Variants in SLC35B4 observed in about 807,000 individuals in gnomAD.
SLC35B4 encodes the protein nucleotide sugar transporter SLC35B4.
In SLC35B4, 28 loss-of-function variants were observed where a neutral mutation model predicts 39.5. The ratio of observed to expected loss-of-function variants is 0.71; its 90% CI spans 0.53 to 0.97. The LOEUF (loss-of-function observed/expected upper bound fraction) is 0.97. Among genes scored for constraint, SLC35B4 ranks in the 50% least tolerant of loss-of-function variants. The pLI is 0.00. For missense variants in SLC35B4, 334 were observed against 414.3 expected, an observed-to-expected ratio of 0.81 and a Z score of 1.68; for synonymous variants, 145 against 150.4, an observed-to-expected ratio of 0.96 and a Z score of 0.26.
chr7:134,300,089 C>A, intron 7 of SLC35B4, 63 bp downstream of exon 7: 1 of 1,150,774 alleles, frequency 8.7e-7, no homozygotes, highest in South Asian at 1.4e-5. Flanking sequence ...ATTAATAGTT[C>A]ACTTGAAGTA....
rs1406300951 is a variant in SLC35B4 at position 134,289,699 on chromosome 7, T to G, written c.*5134A>C. On this transcript the variant is annotated 3_prime_UTR_variant, in exon 10 of 10. Coordinates refer to ENST00000378509, the MANE Select transcript of SLC35B4 (RefSeq NM_032826.5). ...CACAGAAATGACTGGCAATCGCAAG[T>G]GATACACAAAGGCATTTTTATTGCG... is the stretch of plus-strand genomic sequence containing the variant. The G allele has an allele frequency of 6.6e-6, 1 of 152,434 alleles. No homozygotes were observed. Among genetic ancestry groups the G allele is most frequent in the African/African-American group, 2.4e-5 (1 of 41,452 alleles). The allele number at this position is 152,434 out of a possible 1,614,324, so 9.4% of individuals were successfully genotyped here.
intron 9 of SLC35B4, among the ~76,000 whole-genome samples, chr7:134,296,078 C>A (rs1211805293): frequency 6.6e-6 from 1 of 152,086 alleles, no homozygotes; most frequent in African/African-American, 2.4e-5. Flanking sequence ...ATCTGCCCGC[C>A]TCGGCCTCCT....
intron 5 of SLC35B4, 76 bp downstream of exon 5, chr7:134,301,953 T>A: frequency 6.5e-7 from 1 of 1,531,704 alleles, no homozygotes; most frequent in Non-Finnish European, 9.0e-7. Context: ...ACATAAAAAT[T>A]TGAATTGTAT....
rs1458684666 is a variant in SLC35B4, at chr7:134,304,749, G to GT, written c.344+55_344+56insA. ...CAAGGAATCCAGGTGACTAGCTTAT[G>GT]GACAGGGGCTCAGGGTATCATTTCC... On this transcript the variant is annotated intron_variant, in intron 4 of 9. Coordinates refer to ENST00000378509, the MANE Select transcript of SLC35B4 (RefSeq NM_032826.5). 2.2e-6 allele frequency: 3 copies of GT among 1,387,896 alleles called. No individual in the cohort carries two copies. The Admixed American group carries it at 5.3e-5, about 25-fold the overall frequency. 86.0% of individuals were successfully genotyped at this position (1,387,896 alleles called of 1,614,324 possible). A position where few individuals can be genotyped will look rare whatever the true frequency, so the allele number is the denominator to read the frequency against.
rs1158433117 is a variant in SLC35B4, at chr7:134,291,825, A to T, written c.*3008T>A. ...AAAATAAATTACTAATAAACATGAA[A>T]AAGATAACATGTTTCTAATATGACA... is the stretch of plus-strand genomic sequence containing the variant. On this transcript the variant is annotated 3_prime_UTR_variant, in exon 10 of 10. Transcript: ENST00000378509. 6.6e-6 allele frequency: 1 copy of T among 152,252 alleles called. No individual in the cohort carries two copies. Among genetic ancestry groups the T allele is most frequent in the African/African-American group, 2.4e-5 (1 of 41,462 alleles). 9.4% of individuals were successfully genotyped at this position (152,252 alleles called of 1,614,324 possible). A position where few individuals can be genotyped will look rare whatever the true frequency, so the allele number is the denominator to read the frequency against.
intron 2 of SLC35B4, among the ~76,000 whole-genome samples, chr7:134,307,791 C>T (rs542434470): frequency 6.6e-6 from 1 of 152,354 alleles, no homozygotes; most frequent in Admixed American, 6.5e-5. Flanking sequence ...TACACCACAA[C>T]AGGCAGTCAA....
Position 134,294,672 on chromosome 7 carries a change from G to A in SLC35B4, c.*161C>T. ...AGGGGTTTCTATTTAGTCTACATGT[G>A]TCAGTCTGAGCAACGTGAGAAGTCC... is the stretch of plus-strand genomic sequence containing the variant. On this transcript the variant is annotated 3_prime_UTR_variant, in exon 10 of 10. Transcript: ENST00000378509. The A allele has an allele frequency of 1.3e-6, 1 of 798,054 alleles. No homozygotes were observed. The highest frequency in any genetic ancestry group is 1.9e-6 in the Non-Finnish European group (1 of 515,966). 49.4% of individuals were successfully genotyped at this position (798,054 alleles called of 1,614,324 possible). A position where few individuals can be genotyped will look rare whatever the true frequency, so the allele number is the denominator to read the frequency against.
chr7:134,308,803 C>A (rs563729092), intron 2 of SLC35B4, among the ~76,000 whole-genome samples: 8 of 152,284 alleles, frequency 5.3e-5, no homozygotes, highest in African/African-American at 1.7e-4. Context: ...CCCATGAGTA[C>A]AATTATGCAC....
intron 1 of SLC35B4, among the ~76,000 whole-genome samples, chr7:134,315,642 C>CAAAAAAAAA (rs376704817): frequency 5.0e-5 from 5 of 99,962 alleles, no homozygotes; most frequent in Admixed American, 1.1e-4. Flanking sequence ...CTCCCAAATC[C>CAAAAAAAAA]AAAAAAAAAA....
At chr7:134,303,987 T>C (rs1293405237) in intron 4 of SLC35B4, among the ~76,000 whole-genome samples, 1 of 152,198 alleles carries the variant, frequency 6.6e-6, no homozygotes, top group African/African-American at 2.4e-5. Flanking sequence ...TTCTTGGCTA[T>C]TTGGGCCTTT....
chr7:134,300,286 A>T, intron 6 of SLC35B4, 25 bp from the exon 7 acceptor site: 1 of 1,491,740 alleles, frequency 6.7e-7, no homozygotes, highest in Non-Finnish European at 9.2e-7. Flanking sequence ...TCAGGTGACA[A>T]GATGTCTGCA....
intron 6 of SLC35B4, among the ~76,000 whole-genome samples, chr7:134,300,959 G>A (rs1803567009): frequency 1.3e-5 from 2 of 152,144 alleles, no homozygotes; most frequent in African/African-American, 4.8e-5. Flanking sequence ...CTAGACTAGT[G>A]AGGCTGAACC....
chr7:134,302,097 T>C lies in SLC35B4; in HGVS notation c.358A>G (p.Lys120Glu). The change falls in exon 5 of 10, where the codon AAA becomes GAA. Residue 120 changes from lysine to glutamate, a missense_variant. Transcript: ENST00000378509. ...GACACCAGGGCAATGGAGGTATATT[T>C]GAATATACTGTATCTGCAAAAAAGA... ...IILKKRYSIF[K>E]YTSIALVSVG... 6.2e-7 allele frequency: 1 copy of C among 1,612,544 alleles called. No homozygotes were observed. Among genetic ancestry groups the C allele is most frequent in the Non-Finnish European group, 8.5e-7 (1 of 1,179,532 alleles).
In SLC35B4 at chr7:134,291,723, A is replaced by G. The variant is rs1803332899; in HGVS notation, c.*3110T>C. 6.6e-6 allele frequency: 1 copy of G among 152,230 alleles called. No individual in the cohort carries two copies. The highest frequency in any genetic ancestry group is 1.5e-5 in the Non-Finnish European group (1 of 68,036). 9.4% of individuals were successfully genotyped at this position (152,230 alleles called of 1,614,324 possible). On this transcript the variant is annotated 3_prime_UTR_variant, in exon 10 of 10. Coordinates refer to ENST00000378509, the MANE Select transcript of SLC35B4 (RefSeq NM_032826.5). ...AAACAAAGTATTTGGATTTGTCTAA[A>G]TACTTTAGAACTTGATATAAATGTA...
At chr7:134,316,594 G>T in intron 1 of SLC35B4, 81 bp downstream of exon 1, 1 of 1,436,506 alleles carries the variant, frequency 7.0e-7, no homozygotes. Flanking sequence ...ACAGGGCGTG[G>T]GCGCGTCCCG....
upstream of SLC35B4, among the ~76,000 whole-genome samples, chr7:134,317,313 AT>A (rs1339020171): frequency 6.6e-6 from 1 of 152,116 alleles, no homozygotes; most frequent in East Asian, 1.9e-4. Flanking sequence ...TGATATATAT[AT>A]ATGTATCTTT....
In SLC35B4 at chr7:134,290,177, C is replaced by T. The variant is rs1405682883; in HGVS notation, c.*4656G>A. ...CATCAAATATGTAAGGTGCTAACTA[C>T]ATAATACTCTTCCCTTCTACCACCA... On this transcript the variant is annotated 3_prime_UTR_variant, in exon 10 of 10. Coordinates refer to ENST00000378509, the MANE Select transcript of SLC35B4 (RefSeq NM_032826.5). The T allele has an allele frequency of 6.6e-6, 1 of 152,260 alleles. No homozygotes were observed. Among genetic ancestry groups the T allele is most frequent in the Non-Finnish European group, 1.5e-5 (1 of 68,070 alleles). 9.4% of individuals were successfully genotyped at this position (152,260 alleles called of 1,614,324 possible). A position where few individuals can be genotyped will look rare whatever the true frequency, so the allele number is the denominator to read the frequency against.
intron 6 of SLC35B4, 81 bp from the exon 7 acceptor site, chr7:134,300,342 A>T: frequency 1.0e-6 from 1 of 967,366 alleles, no homozygotes. Context: ...TATTGTTTAA[A>T]GTCCTGCAAA....
At chr7:134,299,472 ACT>A in intron 8 of SLC35B4, 49 bp downstream of exon 8, 2 of 1,429,272 alleles carry the variant, frequency 1.4e-6, no homozygotes, top group Non-Finnish European at 2.0e-6. Context: ...TAAAACTGAG[ACT>A]CTGCCTCAGA....
Sources: gnomAD v4.1 joint callset for allele counts (sites outside exome capture counted in the v4.1 genomes callset) on GRCh38, gnomAD v4.1.1 for gene constraint, MANE v1.5 for transcripts, NCBI Gene and HGNC (gene_info 2026-07-23, HGNC 2026-07-21) for gene names.